CFAP69: variants seen among roughly 807,000 people sequenced by gnomAD.
CFAP69 encodes cilia- and flagella-associated protein 69.
A neutral mutation model predicts 123.0 loss-of-function variants in CFAP69; 92 were observed. The observed-to-expected ratio is 0.75, with a 90% CI of 0.63 to 0.89. The LOEUF (loss-of-function observed/expected upper bound fraction) is 0.89, where lower values mean the gene tolerates loss of function less well. Ranked by LOEUF, CFAP69 falls within the 40% of genes least tolerant of loss-of-function variation. The pLI is 0.00. For synonymous variants in CFAP69, 380 were observed against 364.3 expected (o/e 1.04, Z -0.49); for missense variants, 1,067 against 1,096.9 (o/e 0.97, Z 0.39).
rs542318768 is a variant in CFAP69, at chr7:90,278,034, A to C, written c.1155+700A>C. Among the ~76,000 whole-genome samples the C allele has an allele frequency of 4.6e-5, 7 of 152,194 alleles. No homozygotes were observed. The East Asian group carries it at 1.3e-3, about 29-fold the overall frequency. On this transcript the variant is annotated intron_variant, in intron 11 of 22. Transcript: ENST00000389297. ...TAAAGTGACAGTAAATGTATTATTAACAATTCTGTTTAGTTAGTTACTGCA... is the reference window on the plus strand; with the variant it reads ...TAAAGTGACAGTAAATGTATTATTACCAATTCTGTTTAGTTAGTTACTGCA...
At chr7:90,311,651 A>AT (rs1282228451), downstream of CFAP69, among the ~76,000 whole-genome samples, 1 of 150,996 alleles carries the variant, frequency 6.6e-6, no homozygotes, top group Non-Finnish European at 1.5e-5. Context: ...TCCTCTAGGG[A>AT]TTTTCCATTA....
chr7:90,323,624 A>C, the CFAP69 span, among the ~76,000 whole-genome samples: 1 of 152,224 alleles, frequency 6.6e-6, no homozygotes, highest in African/African-American at 2.4e-5. Context: ...AAGAGAGAAA[A>C]AAGCACAGCA....
chr7:90,292,979 C>G (rs994440795), intron 15 of CFAP69, among the ~76,000 whole-genome samples: 1 of 152,060 alleles, frequency 6.6e-6, no homozygotes, highest in African/African-American at 2.4e-5. Context: ...TTGTGGATGA[C>G]AAAACATCGC....
the CFAP69 span, chr7:90,319,856 C>T: frequency 1.3e-5 from 5 of 397,286 alleles, no homozygotes; most frequent in African/African-American, 1.0e-4. Flanking sequence ...TTTGATCAAG[C>T]CAAATCTGCT....
chr7:90,265,352 T>C lies in CFAP69; in HGVS notation c.408T>C (p.Asp136=). 2 of 1,611,566 alleles carry C rather than the reference T, an allele frequency of 1.2e-6. No individual in the cohort carries two copies. Among genetic ancestry groups the C allele is most frequent in the Non-Finnish European group, 1.7e-6 (2 of 1,178,294 alleles). Residue 136 remains aspartate (D), a synonymous_variant, in exon 5 of 23, where the codon GAT becomes GAC. Coordinates refer to ENST00000389297, the MANE Select transcript of CFAP69 (RefSeq NM_001039706.3). The stretch of plus-strand genomic sequence containing the variant: ...CGGATGAAATAACTTATGCTGAAGA[T>C]ACTGCTAATTCAATTGCACTTCTGG... ...KVSDEITYAE[D]TANSIALLGD...
intron 8 of CFAP69, 143 bp downstream of exon 8, chr7:90,272,101 C>A: frequency 1.3e-6 from 1 of 786,366 alleles, no homozygotes; most frequent in Non-Finnish European, 1.9e-6. Context: ...TTTTTTGTTC[C>A]ATGGTATAAA....
chr7:90,256,679 A>G (rs145566738), intron 2 of CFAP69, among the ~76,000 whole-genome samples: 1 of 152,318 alleles, frequency 6.6e-6, no homozygotes, highest in East Asian at 1.9e-4. Flanking sequence ...AAAAGTGACT[A>G]TTGGAATAAT....
chr7:90,294,170 T>C (rs1472102052), intron 15 of CFAP69, among the ~76,000 whole-genome samples: 10 of 152,172 alleles, frequency 6.6e-5, no homozygotes, highest in Admixed American at 6.5e-4. Flanking sequence ...CTATCTACAA[T>C]CTAATGCTCC....
intron 17 of CFAP69, chr7:90,301,924 C>A (rs1584531286): frequency 1.3e-5 from 2 of 152,308 alleles, no homozygotes; most frequent in Middle Eastern, 3.4e-3. Context: ...AATGGTTGAA[C>A]TAATTTACAC....
At chr7:90,301,398 G>C (rs1385121931) in intron 17 of CFAP69, 1 of 151,954 alleles carries the variant, frequency 6.6e-6, no homozygotes, top group African/African-American at 2.4e-5. Context: ...ATGTCACAAG[G>C]GTTTGTTGTA....
At chr7:90,293,991 A>G (rs879326586) in intron 15 of CFAP69, among the ~76,000 whole-genome samples, 2 of 152,224 alleles carry the variant, frequency 1.3e-5, no homozygotes, top group African/African-American at 2.4e-5. Flanking sequence ...AGACTATGAC[A>G]TGCTTAGACT....
At chr7:90,285,864 A>G (rs1790197786) in intron 13 of CFAP69, among the ~76,000 whole-genome samples, 2 of 152,228 alleles carry the variant, frequency 1.3e-5, no homozygotes, top group Admixed American at 6.5e-5. Flanking sequence ...TAGAATTTCT[A>G]TATATGTGAG....
chr7:90,257,261 C>A (rs1242086392), intron 2 of CFAP69, among the ~76,000 whole-genome samples: 3 of 152,054 alleles, frequency 2.0e-5, no homozygotes, highest in Non-Finnish European at 4.4e-5. Context: ...TTATATTAAC[C>A]TGGTTTTGAT....
chr7:90,282,885 T>C lies in CFAP69; in HGVS notation c.1373-7T>C. ...TTTTGTTTTAAATTATCACTTTTTC[T>C]CCACAGATCCGTTTTTCAGTCATGG... On this transcript the variant is annotated splice_polypyrimidine_tract_variant and splice_region_variant and intron_variant, in intron 12 of 22. Coordinates refer to ENST00000389297, the MANE Select transcript of CFAP69 (RefSeq NM_001039706.3). 1 of 1,452,762 alleles carries C rather than the reference T, an allele frequency of 6.9e-7. No homozygotes were observed. The highest frequency in any genetic ancestry group is 2.6e-5 in the East Asian group (1 of 38,650). The allele number at this position is 1,452,762 out of a possible 1,614,324, so 90.0% of individuals were successfully genotyped here.
chr7:90,250,519 GA>G (rs1796890526), intron 1 of CFAP69, among the ~76,000 whole-genome samples: 1 of 152,172 alleles, frequency 6.6e-6, no homozygotes, highest in South Asian at 2.1e-4. Flanking sequence ...TTCTCCCTCT[GA>G]AATGTCCCTG....
At chr7:90,314,689 T>A (rs1488356060), downstream of CFAP69, among the ~76,000 whole-genome samples, 1 of 116,736 alleles carries the variant, frequency 8.6e-6, no homozygotes, top group African/African-American at 2.9e-5. Flanking sequence ...TCTGCAAATT[T>A]AAAACTTTTT....
At chr7:90,311,716 G>A (rs1312471956), downstream of CFAP69, among the ~76,000 whole-genome samples, 1 of 152,090 alleles carries the variant, frequency 6.6e-6, no homozygotes, top group Non-Finnish European at 1.5e-5. Flanking sequence ...TGCAGCTCTT[G>A]TCATTGTTCT....
At position 90,279,707 on chromosome 7, in the gene CFAP69, T is replaced by G. The variant is rs769236870; in HGVS notation, c.1186T>G (p.Leu396Val). The change falls in exon 12 of 23, where the codon TTG (leucine) becomes GTG (valine). Residue 396 changes from leucine (L) to valine (V), a missense_variant. Physicochemically the swap from Leu to Val is conservative, Grantham distance 32. Coordinates refer to ENST00000389297, the MANE Select transcript of CFAP69 (RefSeq NM_001039706.3). ...LLIDGKVILA[L>V]FTYVKKPEKQ... Reference sequence around the variant, plus strand: ...AATTGATGGCAAAGTTATTTTGGCTTTGTTTACCTATGTTAAGAAGCCTGA... The same window carrying G: ...AATTGATGGCAAAGTTATTTTGGCTGTGTTTACCTATGTTAAGAAGCCTGA... 2.3e-5 allele frequency: 37 copies of G among 1,605,798 alleles called. No homozygotes were observed. The highest frequency in any genetic ancestry group is 2.8e-5 in the Non-Finnish European group (33 of 1,177,304).
At chr7:90,284,999 G>T (rs1028163374) in intron 13 of CFAP69, among the ~76,000 whole-genome samples, 1 of 152,128 alleles carries the variant, frequency 6.6e-6, no homozygotes, top group Non-Finnish European at 1.5e-5. Context: ...TCTATAACAA[G>T]GAGAGAATAA....
Sources: gnomAD v4.1 joint callset for allele counts (sites outside exome capture counted in the v4.1 genomes callset) on GRCh38, gnomAD v4.1.1 for gene constraint, MANE v1.5 for transcripts, NCBI Gene and HGNC (gene_info 2026-07-23, HGNC 2026-07-21) for gene names.